TMEM182: variants seen among roughly 807,000 people sequenced by gnomAD.
TMEM182 encodes the protein transmembrane protein 182.
In TMEM182, 20 loss-of-function variants were observed where a neutral mutation model predicts 26.8. The observed-to-expected ratio is 0.75, with a 90% CI of 0.53 to 1.09. TMEM182 has a LOEUF of 1.09. TMEM182 is among the 50% of genes least tolerant of loss of function. The probability of loss-of-function intolerance (pLI) is 0.00; values close to 1 mark genes in which losing one functional copy is unlikely to be tolerated. For missense variants in TMEM182, 277 were observed against 275.5 expected, an observed-to-expected ratio of 1.01 and a Z score of -0.04; for synonymous variants, 109 against 102.2, an observed-to-expected ratio of 1.07 and a Z score of -0.40.
intron 3 of TMEM182, among the ~76,000 whole-genome samples, chr2:102,797,506 T>A (rs933171754): frequency 7.9e-5 from 12 of 152,308 alleles, no homozygotes; most frequent in African/African-American, 2.9e-4. Flanking sequence ...ACTTCTAGGC[T>A]ACCCAACTGG....
Position 102,838,730 on chromosome 2 carries a change from G to A in TMEM182, c.326-4682G>A, listed in dbSNP as rs187759998. Among the ~76,000 whole-genome samples, 10 of 152,240 alleles carry A rather than the reference G, an allele frequency of 6.6e-5. No homozygotes were observed. The East Asian group carries it at 9.6e-4, about 15-fold the overall frequency. The stretch of plus-strand genomic sequence containing the variant: ...AGACGTGTGTTCTGGGGTTCTGTGG[G>A]GTAATTGGTGGAATGGCCTGTGGTG... On this transcript the variant is annotated intron_variant, in intron 3 of 3. Transcript: ENST00000486293.
At chr2:102,828,151 A>G (rs1418675574) in intron 3 of TMEM182, among the ~76,000 whole-genome samples, 2 of 152,178 alleles carry the variant, frequency 1.3e-5, no homozygotes, top group African/African-American at 2.4e-5. Context: ...ACCAATAAAA[A>G]TGTTTCAGAA....
intron 1 of TMEM182, among the ~76,000 whole-genome samples, chr2:102,752,851 T>C (rs996527226): frequency 3.9e-5 from 6 of 152,342 alleles, no homozygotes; most frequent in African/African-American, 1.4e-4. Context: ...CTCAAGTCAT[T>C]GCACAAAAGA....
chr2:102,757,276 C>A (rs1680071299), upstream of TMEM182: 2 of 152,236 alleles, frequency 1.3e-5, no homozygotes, highest in African/African-American at 4.8e-5. Context: ...ACAGGGAGGA[C>A]AGGCTGAAAG....
At chr2:102,818,758 C>CTATCTATCTATG (rs1553444824), downstream of TMEM182, among the ~76,000 whole-genome samples, 20,512 of 151,786 alleles carry the variant, frequency 0.14, 1,512 homozygotes, top group Middle Eastern at 0.18. Flanking sequence ...ATCTATCTAT[C>CTATCTATCTATG]TATCTATCTA....
intron 3 of TMEM182, chr2:102,834,448 A>G (rs1683205854): frequency 1.0e-6 from 1 of 985,272 alleles, no homozygotes; most frequent in Non-Finnish European, 1.2e-6. Flanking sequence ...AGTGGAATGT[A>G]AAAACGTCTG....
intron 1 of TMEM182, among the ~76,000 whole-genome samples, chr2:102,744,911 G>A (rs1183126554): frequency 6.6e-6 from 1 of 152,016 alleles, no homozygotes; most frequent in Non-Finnish European, 1.5e-5. Flanking sequence ...ATCCTACTTG[G>A]TATTCTCTGC....
At chr2:102,774,517 A>G (rs1399199141) in intron 3 of TMEM182, among the ~76,000 whole-genome samples, 5 of 151,482 alleles carry the variant, frequency 3.3e-5, no homozygotes, top group East Asian at 1.9e-4. Flanking sequence ...TGCCCGCCTC[A>G]GCCTCCCAAA....
At chr2:102,767,590 C>T (rs1201151732) in intron 3 of TMEM182, among the ~76,000 whole-genome samples, 5 of 152,112 alleles carry the variant, frequency 3.3e-5, no homozygotes, top group African/African-American at 9.7e-5. Context: ...TCAGAGTGCT[C>T]GTTATGCTTA....
At chr2:102,759,169 T>C (rs1680136139), upstream of TMEM182, among the ~76,000 whole-genome samples, 1 of 152,208 alleles carries the variant, frequency 6.6e-6, no homozygotes, top group South Asian at 2.1e-4. Context: ...TATATATGCA[T>C]GTGTTAAAGA....
intron 1 of TMEM182, among the ~76,000 whole-genome samples, chr2:102,737,941 G>T (rs1385481751): frequency 6.6e-6 from 1 of 152,206 alleles, no homozygotes; most frequent in Non-Finnish European, 1.5e-5. Flanking sequence ...GTTAAATTCA[G>T]TGTTGCAAAG....
intron 3 of TMEM182, among the ~76,000 whole-genome samples, chr2:102,766,457 G>A (rs1301143330): frequency 6.6e-6 from 1 of 151,978 alleles, no homozygotes; most frequent in Admixed American, 6.6e-5. Context: ...ATCACTTTAG[G>A]TAGAAATGAT....
At position 102,753,649 on chromosome 2, in the gene TMEM182, A is replaced by T. The variant is rs1392546133; in HGVS notation, c.-82-4740A>T. On this transcript the variant is annotated intron_variant, in intron 1 of 5. Coordinates refer to the TMEM182 transcript ENST00000409173. ...GCCTCCCAAAGTGCTTGGATTACAGACATAAACCACCATGCTCAGCCAGTT... is the reference window on the plus strand; with the variant it reads ...GCCTCCCAAAGTGCTTGGATTACAGTCATAAACCACCATGCTCAGCCAGTT... 3.3e-5 allele frequency among the ~76,000 whole-genome samples: 5 copies of T among 152,290 alleles called. No homozygotes were observed. In the East Asian group the frequency reaches 9.7e-4, roughly 29 times the overall value.
At chr2:102,744,392 G>A (rs1679628313) in intron 1 of TMEM182, among the ~76,000 whole-genome samples, 1 of 152,120 alleles carries the variant, frequency 6.6e-6, no homozygotes, top group Admixed American at 6.5e-5. Flanking sequence ...TTTGTGAGAT[G>A]CAACAAAAAT....
At chr2:102,808,611 T>C (rs1438813420) in intron 4 of TMEM182, among the ~76,000 whole-genome samples, 1 of 152,234 alleles carries the variant, frequency 6.6e-6, no homozygotes, top group Non-Finnish European at 1.5e-5. Context: ...CAAAATTTCA[T>C]GTATGAGTTA....
intron 3 of TMEM182, among the ~76,000 whole-genome samples, chr2:102,774,813 A>G (rs930276140): frequency 1.3e-5 from 2 of 152,038 alleles, no homozygotes; most frequent in Admixed American, 6.6e-5. Context: ...TCATTGATCT[A>G]TGTCTCTATT....
rs370307466 is a variant in TMEM182, at chr2:102,773,710, T to C, written c.331+9283T>C. ...ATATTATACAATAACCTCTCCAGCT[T>C]GTTGTATCATTAGCAGCCTATGGAA... On this transcript the variant is annotated intron_variant, in intron 3 of 4. Transcript: ENST00000412401. Among the ~76,000 whole-genome samples, 10 of 152,226 alleles carry C rather than the reference T, an allele frequency of 6.6e-5. No homozygotes were observed. The East Asian group carries it at 1.9e-3, about 29-fold the overall frequency.
chr2:102,821,987 CAAAA>C (rs57270388), downstream of TMEM182, among the ~76,000 whole-genome samples: 3 of 103,186 alleles, frequency 2.9e-5, no homozygotes, highest in South Asian at 3.4e-4. Flanking sequence ...GACTCTGTCT[CAAAA>C]AAAAAAAAAA....
intron 3 of TMEM182, among the ~76,000 whole-genome samples, chr2:102,790,115 A>G (rs1681573727): frequency 6.6e-6 from 1 of 152,244 alleles, no homozygotes; most frequent in African/African-American, 2.4e-5. Context: ...CTTCTGGGGA[A>G]AAGAACTTGC....
Sources: gnomAD v4.1 joint callset for allele counts (sites outside exome capture counted in the v4.1 genomes callset) on GRCh38, gnomAD v4.1.1 for gene constraint, MANE v1.5 for transcripts, NCBI Gene and HGNC (gene_info 2026-07-23, HGNC 2026-07-21) for gene names.